The following AKAP19 variants were observed in gnomAD, a reference collection of about 807,000 sequenced individuals.
The protein encoded by AKAP19 is A-kinase anchoring protein 19.
chr2:190,203,380 C>A, the AKAP19 span: 1 of 167,000 alleles, frequency 6.0e-6, no homozygotes, highest in Non-Finnish European at 1.5e-5. Context: ...ATTAGCAAAT[C>A]CTCTTCTCTG....
chr2:190,174,757 A>G, the AKAP19 span, among the ~76,000 whole-genome samples: 1 of 152,236 alleles, frequency 6.6e-6, no homozygotes, highest in Non-Finnish European at 1.5e-5. Context: ...ACAATGTCTT[A>G]TACTCACATT....
At chr2:189,974,160 A>G in the AKAP19 span, among the ~76,000 whole-genome samples, 14 of 152,126 alleles carry the variant, frequency 9.2e-5, no homozygotes, top group African/African-American at 3.1e-4. Context: ...AATGTGTCCC[A>G]GAGATTCTGG....
At chr2:189,962,165 T>C in the AKAP19 span, among the ~76,000 whole-genome samples, 1 of 152,194 alleles carries the variant, frequency 6.6e-6, no homozygotes, top group Non-Finnish European at 1.5e-5. Context: ...AATATTGAGA[T>C]ATTTTTAGAT....
chr2:190,117,864 C>T, the AKAP19 span, among the ~76,000 whole-genome samples: 1 of 152,180 alleles, frequency 6.6e-6, no homozygotes, highest in Non-Finnish European at 1.5e-5. Context: ...TGTCTCCTTT[C>T]TAGGCTGGGA....
chr2:189,947,165 A>C, the AKAP19 span, among the ~76,000 whole-genome samples: 1 of 152,250 alleles, frequency 6.6e-6, no homozygotes, highest in Non-Finnish European at 1.5e-5. Flanking sequence ...CAAATTTAAC[A>C]GTGCACTATT....
the AKAP19 span, among the ~76,000 whole-genome samples, chr2:190,133,847 G>A: frequency 1.1e-3 from 164 of 152,256 alleles, no homozygotes; most frequent in Non-Finnish European, 2.0e-3. Flanking sequence ...TGTAGAAAGT[G>A]GGTATTGAGG....
the AKAP19 span, among the ~76,000 whole-genome samples, chr2:189,993,928 A>G: frequency 4.7e-5 from 7 of 150,386 alleles, no homozygotes; most frequent in Non-Finnish European, 1.0e-4. Context: ...TGGTCTATCA[A>G]TTTTGTTTGT....
chr2:189,937,884 A>G, the AKAP19 span, among the ~76,000 whole-genome samples: 5 of 152,244 alleles, frequency 3.3e-5, no homozygotes, highest in Admixed American at 6.5e-5. Flanking sequence ...AAGCTACCAT[A>G]TGACTCAGCA....
chr2:189,957,044 C>T, the AKAP19 span, among the ~76,000 whole-genome samples: 1 of 152,136 alleles, frequency 6.6e-6, no homozygotes, highest in Non-Finnish European at 1.5e-5. Context: ...GGTATGGTGG[C>T]CTGCGCCTGT....
At chr2:189,976,650 G>A in the AKAP19 span, among the ~76,000 whole-genome samples, 1 of 152,202 alleles carries the variant, frequency 6.6e-6, no homozygotes, top group Non-Finnish European at 1.5e-5. Context: ...TGGCTGCTTT[G>A]TTTACCTACT....
the AKAP19 span, among the ~76,000 whole-genome samples, chr2:190,177,981 C>T: frequency 6.6e-6 from 1 of 152,284 alleles, no homozygotes; most frequent in Non-Finnish European, 1.5e-5. This position sits in a 1 kb window ranked among gnomAD's most constrained non-coding sequence, Gnocchi z 4.6. Context: ...CTCACCCTAA[C>T]CACATTCACC....
the AKAP19 span, among the ~76,000 whole-genome samples, chr2:190,183,944 T>G: frequency 6.6e-6 from 1 of 152,008 alleles, no homozygotes; most frequent in African/African-American, 2.4e-5. Flanking sequence ...ACGCTATCTA[T>G]CCTTGGATTT....
At chr2:189,958,522 CATATATAT>C in the AKAP19 span, among the ~76,000 whole-genome samples, 8 of 143,746 alleles carry the variant, frequency 5.6e-5, no homozygotes, top group African/African-American at 1.8e-4. Flanking sequence ...ACACACATAA[CATATATAT>C]ATATATATAT....
chr2:190,121,676 C>T, the AKAP19 span, among the ~76,000 whole-genome samples: 6 of 152,074 alleles, frequency 3.9e-5, no homozygotes, highest in Admixed American at 3.3e-4. Context: ...ACATGAAGCT[C>T]ATTTGGGAAA....
At chr2:190,020,574 T>A in the AKAP19 span, among the ~76,000 whole-genome samples, 223 of 152,350 alleles carry the variant, frequency 1.5e-3, no homozygotes, top group Non-Finnish European at 2.6e-3. Flanking sequence ...ACTTAAATAC[T>A]CTGGTTGAGT....
chr2:190,012,136 A>C, the AKAP19 span, among the ~76,000 whole-genome samples: 1 of 152,014 alleles, frequency 6.6e-6, no homozygotes, highest in Non-Finnish European at 1.5e-5. Context: ...TTCAGTATAC[A>C]GATTTTTCTT....
chr2:190,147,165 T>C, the AKAP19 span, among the ~76,000 whole-genome samples: 3 of 152,218 alleles, frequency 2.0e-5, no homozygotes, highest in African/African-American at 7.2e-5. Context: ...CCATCTTGAG[T>C]TGATTTGTGT....
the AKAP19 span, among the ~76,000 whole-genome samples, chr2:190,073,991 G>A: frequency 1.1e-4 from 17 of 151,038 alleles, no homozygotes; most frequent in African/African-American, 3.9e-4. Flanking sequence ...ACAGTGAGCC[G>A]AGATTGTGCC....
chr2:189,932,460 C>T, the AKAP19 span, among the ~76,000 whole-genome samples: 2 of 151,610 alleles, frequency 1.3e-5, no homozygotes, highest in South Asian at 4.2e-4. Context: ...GATTCTCCCC[C>T]CACCACCACA....
Sources: gnomAD v4.1 joint callset for allele counts (sites outside exome capture counted in the v4.1 genomes callset) on GRCh38, gnomAD v4.1.1 for gene constraint, Gnocchi (gnomAD v3.1) non-coding constraint, MANE v1.5 for transcripts, NCBI Gene and HGNC (gene_info 2026-07-23, HGNC 2026-07-21) for gene names.